GRIA2: variants seen among roughly 807,000 people sequenced by gnomAD.
The protein encoded by GRIA2 is glutamate ionotropic receptor AMPA type subunit 2, also known as glutamate receptor 2.
Under a neutral mutation model 97.3 loss-of-function variants are expected in GRIA2, and 14 were observed. The observed-to-expected ratio is 0.14, with a 90% confidence interval of 0.10 to 0.23. The LOEUF (loss-of-function observed/expected upper bound fraction) is 0.23. GRIA2 is among the 10% of genes least tolerant of loss of function. GRIA2 has a pLI of 1.00. For synonymous variants in GRIA2, 412 were observed against 387.8 expected, an observed-to-expected ratio of 1.06 and a Z score of -0.73; for missense variants, 558 against 1,069.8, an observed-to-expected ratio of 0.52 and a Z score of 6.67.
At chr4:157,236,864 T>C (rs944228206) in intron 2 of GRIA2, among the ~76,000 whole-genome samples, 1 of 152,190 alleles carries the variant, frequency 6.6e-6, no homozygotes, top group Non-Finnish European at 1.5e-5. Context: ...CTACTTATTA[T>C]TATTTGATAC....
At chr4:157,268,547 G>C (rs953580538) in intron 2 of GRIA2, among the ~76,000 whole-genome samples, 2 of 151,910 alleles carry the variant, frequency 1.3e-5, no homozygotes, top group Non-Finnish European at 2.9e-5. Context: ...CCAAGATACT[G>C]TATTATTAGT....
intron 2 of GRIA2, among the ~76,000 whole-genome samples, chr4:157,288,741 C>T (rs968910660): frequency 3.3e-5 from 5 of 151,782 alleles, no homozygotes; most frequent in African/African-American, 1.2e-4. Flanking sequence ...GTTATGTCTA[C>T]CAATGATAAT....
chr4:157,243,667 T>G (rs1730604082), intron 2 of GRIA2, among the ~76,000 whole-genome samples: 1 of 152,150 alleles, frequency 6.6e-6, no homozygotes, highest in Non-Finnish European at 1.5e-5. Flanking sequence ...TGCTATTCTT[T>G]TCACTGGGAA....
intron 2 of GRIA2, among the ~76,000 whole-genome samples, chr4:157,244,428 C>T (rs1306397743): frequency 6.6e-6 from 1 of 151,978 alleles, no homozygotes; most frequent in Admixed American, 6.6e-5. Context: ...CAGCAAATGT[C>T]AGCAAAAATA....
Position 157,303,684 on chromosome 4 carries a change from C to T in GRIA2, c.362C>T (p.Thr121Ile), listed in dbSNP as rs1412167332. ...ACTCCCAGCTTCCCAACAGATGGCA[C>T]ACATCCATTTGTCATTCAGATGAGA... ...FITPSFPTDGTHPFVIQMRPD... is the reference protein window; with the variant it reads ...FITPSFPTDGIHPFVIQMRPD... The change falls in exon 3 of 16, where the codon ACA (threonine) becomes ATA (isoleucine). Residue 121 changes from threonine (T) to isoleucine (I), a missense_variant. Physicochemically the swap from Thr to Ile is moderately conservative, Grantham distance 89. This residue lies in a region of GRIA2 where 96 missense variants were observed against 176.6 expected (regional missense o/e 0.54). Transcript: ENST00000264426. The T allele has an allele frequency of 6.2e-7, 1 of 1,614,038 alleles. No individual in the cohort carries two copies. Among genetic ancestry groups the T allele is most frequent in the Non-Finnish European group, 8.5e-7 (1 of 1,179,922 alleles).
At chr4:157,277,836 A>ATATATATATG (rs898227521) in intron 2 of GRIA2, among the ~76,000 whole-genome samples, 26 of 121,254 alleles carry the variant, frequency 2.1e-4, no homozygotes, top group African/African-American at 6.7e-4. Context: ...GTATATATGT[A>ATATATATATG]TATATATATG....
At chr4:157,306,548 A>G (rs1391857174) in intron 3 of GRIA2, among the ~76,000 whole-genome samples, 1 of 152,146 alleles carries the variant, frequency 6.6e-6, no homozygotes, top group Non-Finnish European at 1.5e-5. Context: ...TTATGGATAT[A>G]TTTTCAAGGT....
chr4:157,356,131 A>ATTTATATT (rs1395887467), intron 12 of GRIA2, among the ~76,000 whole-genome samples: 2 of 129,132 alleles, frequency 1.5e-5, no homozygotes, highest in East Asian at 4.2e-4. Flanking sequence ...ATATTTATAT[A>ATTTATATT]TATTTATATA....
chr4:157,353,327 G>T (rs1270122920), intron 12 of GRIA2, among the ~76,000 whole-genome samples: 1 of 151,282 alleles, frequency 6.6e-6, no homozygotes, highest in African/African-American at 2.4e-5. Flanking sequence ...ACTCCAGTCT[G>T]GGCAACAAGA....
chr4:157,328,209 T>C (rs559593139), intron 6 of GRIA2, among the ~76,000 whole-genome samples: 31 of 152,216 alleles, frequency 2.0e-4, no homozygotes, highest in Non-Finnish European at 4.0e-4. Context: ...GCATCTCACA[T>C]CTTATTTTCA....
intron 4 of GRIA2, among the ~76,000 whole-genome samples, chr4:157,315,621 C>T (rs539208793): frequency 6.6e-6 from 1 of 152,154 alleles, no homozygotes; most frequent in Non-Finnish European, 1.5e-5. Context: ...CAGGTCACTG[C>T]AACCTTCAAT....
chr4:157,340,577 A>AT (rs535778717), intron 11 of GRIA2, among the ~76,000 whole-genome samples: 101 of 150,784 alleles, frequency 6.7e-4, no homozygotes, highest in South Asian at 3.1e-3. Flanking sequence ...TTTGAGTTTT[A>AT]TTTTTTTTTG....
At chr4:157,350,931 CTTT>C (rs1240937135) in intron 12 of GRIA2, among the ~76,000 whole-genome samples, 3 of 117,514 alleles carry the variant, frequency 2.6e-5, no homozygotes, top group Non-Finnish European at 3.7e-5. Context: ...TTAGTTTTTT[CTTT>C]TTTTTTTTTT....
At chr4:157,302,557 A>G (rs1052189565) in intron 2 of GRIA2, among the ~76,000 whole-genome samples, 5 of 152,214 alleles carry the variant, frequency 3.3e-5, no homozygotes, top group African/African-American at 1.2e-4. Flanking sequence ...CAATCTTTCT[A>G]TCAGTAAGTT....
chr4:157,248,288 T>G (rs1360165903), intron 2 of GRIA2, among the ~76,000 whole-genome samples: 3 of 151,234 alleles, frequency 2.0e-5, no homozygotes, highest in Non-Finnish European at 4.4e-5. Context: ...ATGTGTCAGT[T>G]GCATATAATT....
chr4:157,312,603 T>C (rs1480750650), intron 3 of GRIA2, 76 bp from the exon 4 acceptor site: 2 of 782,988 alleles, frequency 2.6e-6, no homozygotes, highest in Non-Finnish European at 3.9e-6. Flanking sequence ...AAAAATATAT[T>C]CACTGGCAAT....
At chr4:157,235,893 GT>G (rs1447977153) in intron 2 of GRIA2, among the ~76,000 whole-genome samples, 1 of 151,864 alleles carries the variant, frequency 6.6e-6, no homozygotes, top group East Asian at 1.9e-4. Context: ...CTAGTTGCAG[GT>G]TTTAAATAGT....
At chr4:157,283,458 T>G in intron 2 of GRIA2, among the ~76,000 whole-genome samples, 1 of 152,126 alleles carries the variant, frequency 6.6e-6, no homozygotes, top group East Asian at 1.9e-4. Context: ...ATTAAATTAC[T>G]TATAATGTAG....
rs563771729 is a variant in GRIA2 at position 157,292,338 on chromosome 4, A to G, written c.230-11214A>G. On this transcript the variant is annotated intron_variant, in intron 2 of 15. Transcript: ENST00000264426. Reference sequence around the variant, plus strand: ...CATTAAAAGCATTGGGAAATTGAACATCTATGTGGAAACAAAATAAGTTAG... The same window carrying G: ...CATTAAAAGCATTGGGAAATTGAACGTCTATGTGGAAACAAAATAAGTTAG... 8.5e-5 allele frequency among the ~76,000 whole-genome samples: 13 copies of G among 152,184 alleles called. 1 individual carries two copies. The South Asian group carries it at 2.5e-3, about 29-fold the overall frequency.
Sources: allele counts gnomAD v4.1 joint callset (sites outside exome capture counted in the v4.1 genomes callset), GRCh38; gene constraint gnomAD v4.1.1; regional missense constraint gnomAD v4.1.1; transcripts MANE v1.5; gene names NCBI Gene and HGNC (gene_info 2026-07-23, HGNC 2026-07-21).